The following WWOX variants were observed in gnomAD, a reference collection of about 807,000 sequenced individuals.
The protein encoded by WWOX is WW domain-containing oxidoreductase.
Under a neutral mutation model 46.2 loss-of-function variants are expected in WWOX, and 69 were observed. That is an observed-to-expected ratio of 1.49 (90% confidence interval 1.23 to 1.82). The LOEUF is 1.82. Among genes scored for constraint, WWOX ranks in the 40% most tolerant of loss-of-function variants. The pLI is 0.00. For missense variants in WWOX, 919 were observed against 542.6 expected (o/e 1.69, Z -6.89); for synonymous variants, 359 against 202.6 (o/e 1.77, Z -6.56).
At chr16:78,180,134 T>C (rs977949171) in intron 5 of WWOX, among the ~76,000 whole-genome samples, 1 of 152,212 alleles carries the variant, frequency 6.6e-6, no homozygotes, top group Non-Finnish European at 1.5e-5. Context: ...AAAGAGTCCT[T>C]ATTTACAGTC....
chr16:78,630,413 C>T (rs34561764), intron 8 of WWOX, among the ~76,000 whole-genome samples: 1 of 152,158 alleles, frequency 6.6e-6, no homozygotes, highest in Non-Finnish European at 1.5e-5. Flanking sequence ...GGAATACCTG[C>T]TTTCCTTTGT....
chr16:79,204,890 C>T (rs1316909009), intron 8 of WWOX: 1 of 152,210 alleles, frequency 6.6e-6, no homozygotes, highest in Non-Finnish European at 1.5e-5. Context: ...GGAGTAAGAG[C>T]CACATTCTTG....
chr16:78,862,625 C>T lies in WWOX; in HGVS notation c.1057-348983C>T, dbSNP rs769091825. Among the ~76,000 whole-genome samples the T allele has an allele frequency of 1.2e-4, 18 of 152,172 alleles. No homozygotes were observed. The East Asian group carries it at 1.7e-3, about 15-fold the overall frequency. On this transcript the variant is annotated intron_variant, in intron 8 of 8. Coordinates refer to ENST00000566780, the MANE Select transcript of WWOX (RefSeq NM_016373.4). ...ACAGTTCATGTCTGAGTCTGAGCAGCTGAGAAGCAGGAGATAAAAAGGCAT... is the reference window on the plus strand; with the variant it reads ...ACAGTTCATGTCTGAGTCTGAGCAGTTGAGAAGCAGGAGATAAAAAGGCAT...
intron 8 of WWOX, among the ~76,000 whole-genome samples, chr16:79,061,727 GC>G (rs1430391297): frequency 6.6e-6 from 1 of 152,164 alleles, no homozygotes; most frequent in Non-Finnish European, 1.5e-5. Flanking sequence ...TTTGCTCAGG[GC>G]TACTTCTCTT....
chr16:78,115,285 C>G (rs1040082615), intron 4 of WWOX, 131 bp downstream of exon 4: 2 of 1,075,156 alleles, frequency 1.9e-6, no homozygotes, highest in Non-Finnish European at 2.8e-6. Context: ...GATATCGTTT[C>G]ATTAACATCA....
chr16:78,156,819 G>A (rs2034622789), intron 4 of WWOX, among the ~76,000 whole-genome samples: 1 of 152,288 alleles, frequency 6.6e-6, no homozygotes. Flanking sequence ...AGTTGCTGGG[G>A]AGACTGAGAC....
intron 8 of WWOX, among the ~76,000 whole-genome samples, chr16:78,635,255 C>T (rs540120049): frequency 5.1e-4 from 78 of 152,184 alleles, no homozygotes; most frequent in Non-Finnish European, 1.0e-3. Flanking sequence ...CAATCTAAAC[C>T]TTAAGTATTT....
intron 8 of WWOX, among the ~76,000 whole-genome samples, chr16:78,492,080 C>G (rs1357533449): frequency 6.6e-6 from 1 of 152,094 alleles, no homozygotes; most frequent in Non-Finnish European, 1.5e-5. Context: ...GTTTTCGAAA[C>G]TTAGCATTCT....
chr16:78,718,228 A>T (rs2048614118), intron 8 of WWOX, among the ~76,000 whole-genome samples: 2 of 151,958 alleles, frequency 1.3e-5, no homozygotes, highest in Admixed American at 1.3e-4. Flanking sequence ...GTAAACAATT[A>T]TGTAGTTACA....
intron 8 of WWOX, among the ~76,000 whole-genome samples, chr16:78,927,962 C>T (rs1160408102): frequency 6.6e-6 from 1 of 151,838 alleles, no homozygotes; most frequent in Non-Finnish European, 1.5e-5. Context: ...ACTGAATAAA[C>T]AATCTCAGGG....
chr16:78,375,211 C>T (rs552490652), intron 5 of WWOX, among the ~76,000 whole-genome samples: 4 of 152,312 alleles, frequency 2.6e-5, no homozygotes, highest in African/African-American at 4.8e-5. Context: ...TCAAGCGTGA[C>T]GATACTGTTA....
intron 8 of WWOX, among the ~76,000 whole-genome samples, chr16:78,449,897 CT>C (rs202234395): frequency 0.12 from 16,925 of 145,670 alleles, 1,050 homozygotes; most frequent in East Asian, 0.21. Context: ...AAAGCGTGAA[CT>C]TTTTTTTTTT....
At chr16:78,752,168 C>G (rs923167333) in intron 8 of WWOX, among the ~76,000 whole-genome samples, 1 of 152,200 alleles carries the variant, frequency 6.6e-6, no homozygotes, top group Non-Finnish European at 1.5e-5. Context: ...GAGTGATTCA[C>G]TTCGATGCGT....
chr16:78,624,840 G>C (rs1050789334), intron 8 of WWOX, among the ~76,000 whole-genome samples: 2 of 152,178 alleles, frequency 1.3e-5, no homozygotes, highest in Non-Finnish European at 2.9e-5. Context: ...TTGCCTAAAG[G>C]AGCAGATATC....
chr16:78,520,592 G>T (rs142579885), intron 8 of WWOX, among the ~76,000 whole-genome samples: 1 of 152,098 alleles, frequency 6.6e-6, no homozygotes, highest in Non-Finnish European at 1.5e-5. Flanking sequence ...CTGGTGGGAA[G>T]GCTGCTGGGA....
chr16:78,964,051 C>T (rs1307735482), intron 8 of WWOX, among the ~76,000 whole-genome samples: 1 of 152,194 alleles, frequency 6.6e-6, no homozygotes, highest in Non-Finnish European at 1.5e-5. Context: ...GAACTGTAAG[C>T]CTGATTAAAC....
Position 79,117,805 on chromosome 16 carries a change from A to G in WWOX, c.1057-93803A>G, listed in dbSNP as rs1316241879. Among the ~76,000 whole-genome samples the G allele has an allele frequency of 2.6e-5, 4 of 152,056 alleles. No individual in the cohort carries two copies. In the East Asian group the frequency reaches 5.8e-4, roughly 22 times the overall value. ...ATGAACCGACCTCTGCTAGCTTCCAAGTTTTCTTCTGCAGCTTCCTCACCC... is the reference window on the plus strand; with the variant it reads ...ATGAACCGACCTCTGCTAGCTTCCAGGTTTTCTTCTGCAGCTTCCTCACCC... On this transcript the variant is annotated intron_variant, in intron 8 of 8. Transcript: ENST00000566780.
chr16:79,003,613 GA>G lies in WWOX; in HGVS notation c.1057-207994del, dbSNP rs1399080995. Among the ~76,000 whole-genome samples the G allele has an allele frequency of 3.9e-5, 6 of 152,278 alleles. No individual in the cohort carries two copies. The East Asian group carries it at 1.2e-3, about 29-fold the overall frequency. ...GGAGAGCTGGCCTTGGAGAGTCTAGGATGGCTTTTGTCACATGTCCAGGGCT... is the reference window on the plus strand; with the variant it reads ...GGAGAGCTGGCCTTGGAGAGTCTAGGTGGCTTTTGTCACATGTCCAGGGCT... On this transcript the variant is annotated intron_variant, in intron 8 of 8. Coordinates refer to ENST00000566780, the MANE Select transcript of WWOX (RefSeq NM_016373.4).
intron 6 of WWOX, among the ~76,000 whole-genome samples, chr16:78,391,271 G>T (rs968469739): frequency 3.3e-5 from 5 of 152,166 alleles, no homozygotes; most frequent in Non-Finnish European, 7.4e-5. Flanking sequence ...TAGGCAACTT[G>T]TTGTTTGTTT....
Sources: gnomAD v4.1 joint callset for allele counts (sites outside exome capture counted in the v4.1 genomes callset) on GRCh38, gnomAD v4.1.1 for gene constraint, MANE v1.5 for transcripts, NCBI Gene and HGNC (gene_info 2026-07-23, HGNC 2026-07-21) for gene names.